Variants in ATP2B2 observed in about 807,000 individuals in gnomAD.
The protein encoded by ATP2B2 is plasma membrane calcium-transporting ATPase 2.
ATP2B2 carries 15 observed loss-of-function variants against 120.0 expected under a neutral mutation model. The ratio of observed to expected loss-of-function variants is 0.12; its 90% CI spans 0.08 to 0.19. ATP2B2 has a LOEUF of 0.19. Ranked by LOEUF, ATP2B2 falls within the 10% of genes least tolerant of loss-of-function variation. The pLI is 1.00. For missense variants in ATP2B2, 1,045 were observed against 1,719.8 expected (o/e 0.61, Z 6.94); for synonymous variants, 694 against 700.3 (o/e 0.99, Z 0.14).
intron 2 of ATP2B2, among the ~76,000 whole-genome samples, chr3:10,441,385 G>A (rs1333524927): frequency 3.3e-5 from 5 of 152,098 alleles, no homozygotes; most frequent in Admixed American, 6.5e-5. Context: ...GATTACAGGC[G>A]TGCGCCATCA....
At position 10,411,763 on chromosome 3, in the gene ATP2B2, C is replaced by T. The variant is rs1053345607; in HGVS notation, c.200-948G>A. Among the ~76,000 whole-genome samples the T allele has an allele frequency of 3.9e-5, 6 of 152,298 alleles. 1 individual carries two copies. Among genetic ancestry groups the T allele is most frequent in the African/African-American group, 9.6e-5 (4 of 41,548 alleles). On this transcript the variant is annotated intron_variant, in intron 2 of 22. Transcript: ENST00000360273. ...GTGCCCACTTAGGAGTGGCCCTCAC[C>T]GTGGATGCCTTGCAACGTGCTCGGA...
intron 2 of ATP2B2, among the ~76,000 whole-genome samples, chr3:10,609,106 G>A (rs1468334104): frequency 6.6e-6 from 1 of 152,194 alleles, no homozygotes; most frequent in African/African-American, 2.4e-5. Context: ...TCCTCCAATC[G>A]AAACAGCCAT....
Position 10,402,867 on chromosome 3 carries a change from T to A in ATP2B2, c.398-519A>T, listed in dbSNP as rs980958985. 1.1e-4 allele frequency among the ~76,000 whole-genome samples: 16 copies of A among 152,198 alleles called. No homozygotes were observed. The highest frequency in any genetic ancestry group is 3.1e-4 in the African/African-American group (13 of 41,438). On this transcript the variant is annotated intron_variant, in intron 3 of 22. Transcript: ENST00000360273. This position sits in a 1 kb window ranked among gnomAD's most constrained non-coding sequence, Gnocchi z 4.9. ...ACAGAGGAGAGAAAAGAGAATTTTCTCTAATTGATGAGAAAAGACAAGGAA... is the reference window on the plus strand; with the variant it reads ...ACAGAGGAGAGAAAAGAGAATTTTCACTAATTGATGAGAAAAGACAAGGAA...
chr3:10,374,966 G>A (rs1006465595), intron 11 of ATP2B2, among the ~76,000 whole-genome samples: 5 of 152,224 alleles, frequency 3.3e-5, no homozygotes, highest in African/African-American at 1.2e-4. Flanking sequence ...AGTTGCCCGC[G>A]GGGCCTACGA....
intron 2 of ATP2B2, among the ~76,000 whole-genome samples, chr3:10,602,753 T>C (rs1286606984): frequency 6.6e-6 from 1 of 151,976 alleles, no homozygotes; most frequent in Non-Finnish European, 1.5e-5. Context: ...TAAAAACAAA[T>C]GACTGAAGTT....
intron 3 of ATP2B2, among the ~76,000 whole-genome samples, chr3:10,524,282 T>C (rs771269550): frequency 1.1e-4 from 17 of 152,214 alleles, no homozygotes; most frequent in Non-Finnish European, 2.2e-4. Flanking sequence ...GCACTCATGA[T>C]ATGCCAGGGT....
At chr3:10,684,628 T>A (rs2071472681) in intron 1 of ATP2B2, among the ~76,000 whole-genome samples, 1 of 152,242 alleles carries the variant, frequency 6.6e-6, no homozygotes, top group Non-Finnish European at 1.5e-5. Flanking sequence ...TGAAGATTTA[T>A]CATCGTTAGA....
chr3:10,450,031 C>G (rs561483315), intron 1 of ATP2B2, among the ~76,000 whole-genome samples, 169 bp from the exon 2 acceptor site: 34 of 152,242 alleles, frequency 2.2e-4, no homozygotes, highest in African/African-American at 8.2e-4. Flanking sequence ...CTAGCGCCAA[C>G]CCAGGCACTC....
At chr3:10,500,594 A>T (rs2066343970) in intron 1 of ATP2B2, among the ~76,000 whole-genome samples, 2 of 151,746 alleles carry the variant, frequency 1.3e-5, no homozygotes, top group African/African-American at 2.4e-5. Context: ...GAAAGCAGAG[A>T]TGGGTGTGAC....
At chr3:10,624,249 T>C (rs1324518998) in intron 1 of ATP2B2, among the ~76,000 whole-genome samples, 1 of 152,218 alleles carries the variant, frequency 6.6e-6, no homozygotes, top group Non-Finnish European at 1.5e-5. Context: ...TCAGGTACCT[T>C]CCTGCTCTGT....
chr3:10,519,767 C>T (rs1352575510), intron 3 of ATP2B2, among the ~76,000 whole-genome samples: 1 of 152,206 alleles, frequency 6.6e-6, no homozygotes, highest in African/African-American at 2.4e-5. Context: ...TGGCACTGAG[C>T]CAGGCACTCA....
intron 2 of ATP2B2, among the ~76,000 whole-genome samples, chr3:10,587,709 T>C (rs1283488484): frequency 4.6e-5 from 7 of 152,082 alleles, no homozygotes; most frequent in Admixed American, 3.9e-4. Flanking sequence ...CTTCTTTTGC[T>C]AGAACATAAG....
chr3:10,349,024 G>A (rs530514901), intron 16 of ATP2B2, among the ~76,000 whole-genome samples: 1 of 152,376 alleles, frequency 6.6e-6, no homozygotes, highest in East Asian at 1.9e-4. Flanking sequence ...AGGAATCCAA[G>A]ATGTTCTAGG....
intron 2 of ATP2B2, among the ~76,000 whole-genome samples, chr3:10,609,897 T>A (rs1241800587): frequency 6.6e-6 from 1 of 152,008 alleles, no homozygotes; most frequent in Non-Finnish European, 1.5e-5. Context: ...GCTCCCTCTC[T>A]CCCATCCTCG....
At chr3:10,505,655 G>A (rs1054914075), upstream of ATP2B2, 16 of 147,132 alleles carry the variant, frequency 1.1e-4, no homozygotes, top group Non-Finnish European at 2.3e-4. Flanking sequence ...AGAGCATCTC[G>A]CCGGCAAAAT....
intron 1 of ATP2B2, among the ~76,000 whole-genome samples, chr3:10,474,545 C>T (rs2065134618): frequency 6.6e-6 from 1 of 152,226 alleles, no homozygotes; most frequent in African/African-American, 2.4e-5. Context: ...AGCCACGCAG[C>T]CACCCTGGCA....
chr3:10,608,192 G>T (rs781468757), intron 2 of ATP2B2, among the ~76,000 whole-genome samples: 2 of 152,172 alleles, frequency 1.3e-5, no homozygotes, highest in African/African-American at 4.8e-5. Context: ...GAAGGTCCCT[G>T]TCTCCCTCCT....
chr3:10,385,443 AT>A, intron 7 of ATP2B2, 116 bp from the exon 8 acceptor site: 1 of 884,808 alleles, frequency 1.1e-6, no homozygotes, highest in Non-Finnish European at 1.8e-6. Flanking sequence ...AAAAAAAAAA[AT>A]TATCCTTTGG....
At chr3:10,511,166 C>A (rs1278241431) in intron 3 of ATP2B2, among the ~76,000 whole-genome samples, 1 of 152,130 alleles carries the variant, frequency 6.6e-6, no homozygotes, top group Non-Finnish European at 1.5e-5. Context: ...GCCAGGGATG[C>A]CTTCCCTTTC....
Sources: gnomAD v4.1 joint callset for allele counts (sites outside exome capture counted in the v4.1 genomes callset) on GRCh38, gnomAD v4.1.1 for gene constraint, Gnocchi (gnomAD v3.1) non-coding constraint, MANE v1.5 for transcripts, NCBI Gene and HGNC (gene_info 2026-07-23, HGNC 2026-07-21) for gene names.